The following BRAF variants were observed in gnomAD, a reference collection of about 807,000 sequenced individuals.
BRAF encodes B-Raf proto-oncogene, serine/threonine kinase.
BRAF carries 16 observed loss-of-function variants against 104.6 expected under a neutral mutation model. The observed-to-expected ratio is 0.15, with a 90% confidence interval of 0.10 to 0.23. The LOEUF is 0.23. Among genes scored for constraint, BRAF ranks in the 10% least tolerant of loss-of-function variants. BRAF has a pLI of 1.00. For synonymous variants in BRAF, 310 were observed against 341.6 expected (o/e 0.91, Z 1.02); for missense variants, 541 against 937.3 (o/e 0.58, Z 5.52).
rs1795563036 is a variant in BRAF at position 140,725,711 on chromosome 7, A to AC, written c.*782dup. The stretch of plus-strand genomic sequence containing the variant: ...CTACATTGTGGAGGAAAAAAAAAAA[A>AC]CCCAAACACTTATCTTCATTGCTGG... On this transcript the variant is annotated 3_prime_UTR_variant, in exon 20 of 20. Transcript: ENST00000644969. 1 of 1,058,092 alleles carries AC rather than the reference A, an allele frequency of 9.5e-7. No individual in the cohort carries two copies. The highest frequency in any genetic ancestry group is 5.4e-5 in the Admixed American group (1 of 18,444). 65.5% of individuals were successfully genotyped at this position (1,058,092 alleles called of 1,614,324 possible).
chr7:140,764,128 C>A (rs898499169), intron 14 of BRAF, among the ~76,000 whole-genome samples: 1 of 152,132 alleles, frequency 6.6e-6, no homozygotes, highest in Non-Finnish European at 1.5e-5. Flanking sequence ...CCCTGGGATG[C>A]AAGGCTGGTT....
intron 14 of BRAF, among the ~76,000 whole-genome samples, chr7:140,772,067 A>G (rs1799889624): frequency 6.6e-6 from 1 of 152,150 alleles, no homozygotes; most frequent in African/African-American, 2.4e-5. Context: ...CATCTGTGCC[A>G]TTTGATCCAT....
At chr7:140,728,140 G>C (rs573885128) in intron 19 of BRAF, among the ~76,000 whole-genome samples, 1 of 152,272 alleles carries the variant, frequency 6.6e-6, no homozygotes, top group South Asian at 2.1e-4. Flanking sequence ...GACTGACTGA[G>C]TGCCTGATGC....
In BRAF at chr7:140,785,725, T is replaced by C. The variant is rs1002249540; in HGVS notation, c.1261A>G (p.Ile421Val). Residue 421 changes from isoleucine to valine, a missense_variant, in exon 10 of 20, where the codon ATA (isoleucine) becomes GTA (valine). Ile to Val is a conservative substitution (Grantham distance 29). Around this residue, in one of 10 missense-constraint regions of BRAF, gnomAD observed 109 missense variants for 143.9 expected, o/e 0.76. Transcript: ENST00000644969. Reference protein sequence around the residue: ...SPLLHSVPSEIVFDFEPGPVF... With the variant: ...SPLLHSVPSEVVFDFEPGPVF... ...GGGCCAGGCTCAAAATCAAACACTA[T>C]TTCACTGGGGACAGAATGTAGGAGG... 2.5e-6 allele frequency: 1 copy of C among 398,900 alleles called. No individual in the cohort carries two copies. Among genetic ancestry groups the C allele is most frequent in the African/African-American group, 2.1e-5 (1 of 48,612 alleles). The allele number at this position is 398,900 out of a possible 1,614,324, so 24.7% of individuals were successfully genotyped here. A position where few individuals can be genotyped will look rare whatever the true frequency, so the allele number is the denominator to read the frequency against.
chr7:140,810,224 G>A (rs937633102), intron 3 of BRAF, among the ~76,000 whole-genome samples: 6 of 151,984 alleles, frequency 3.9e-5, no homozygotes, highest in African/African-American at 1.5e-4. Flanking sequence ...AGCCTAATTA[G>A]GATCTATGAC....
chr7:140,731,652 T>C (rs1795973295), intron 19 of BRAF: 2 of 152,174 alleles, frequency 1.3e-5, no homozygotes, highest in Admixed American at 1.3e-4. Flanking sequence ...AGTATCTAAA[T>C]GGCTGGTATA....
chr7:140,748,508 G>A (rs151174933), intron 17 of BRAF, among the ~76,000 whole-genome samples: 9 of 152,148 alleles, frequency 5.9e-5, no homozygotes, highest in East Asian at 3.9e-4. Context: ...GCATAAAGTC[G>A]AAATATTCTT....
In BRAF at chr7:140,818,559, C is replaced by T. The variant is rs991026001; in HGVS notation, c.505-9564G>A. On this transcript the variant is annotated intron_variant, in intron 3 of 19. Transcript: ENST00000644969. ...AACTCCTGACCTCAGGTGATCCGCCCGCCTTGGCCTCCCAAAGTGCTAGGA... is the reference window on the plus strand; with the variant it reads ...AACTCCTGACCTCAGGTGATCCGCCTGCCTTGGCCTCCCAAAGTGCTAGGA... 4.6e-5 allele frequency among the ~76,000 whole-genome samples: 7 copies of T among 152,036 alleles called. No homozygotes were observed. The South Asian group carries it at 6.2e-4, about 14-fold the overall frequency.
rs575148288 is a variant in BRAF, at chr7:140,760,826, G to C, written c.1815-6593C>G. Among the ~76,000 whole-genome samples, 5 of 152,050 alleles carry C rather than the reference G, an allele frequency of 3.3e-5. No homozygotes were observed. In the East Asian group the frequency reaches 7.7e-4, roughly 24 times the overall value. On this transcript the variant is annotated intron_variant, in intron 14 of 19. Coordinates refer to ENST00000644969, the MANE Select transcript of BRAF (RefSeq NM_001374258.1). Reference sequence around the variant, plus strand: ...GAAATGAATGAAATGAAGCGAGAAGGGAAGTTTAGAGAAAAAAGAATAAAA... The same window carrying C: ...GAAATGAATGAAATGAAGCGAGAAGCGAAGTTTAGAGAAAAAAGAATAAAA...
At chr7:140,861,892 A>G (rs1810458333) in intron 1 of BRAF, among the ~76,000 whole-genome samples, 1 of 152,112 alleles carries the variant, frequency 6.6e-6, no homozygotes, top group South Asian at 2.1e-4. Flanking sequence ...GAAGATACTG[A>G]AGGAGGAGGA....
chr7:140,791,592 A>C (rs1395025458), intron 8 of BRAF, among the ~76,000 whole-genome samples: 1 of 147,900 alleles, frequency 6.8e-6, no homozygotes, highest in African/African-American at 2.4e-5. Context: ...TAAATATGCT[A>C]ATTACTCCTA....
chr7:140,861,395 A>G (rs1203933700), intron 1 of BRAF, among the ~76,000 whole-genome samples: 2 of 152,228 alleles, frequency 1.3e-5, no homozygotes, highest in African/African-American at 4.8e-5. Context: ...AAATAGGAAC[A>G]GACAGCTATG....
At chr7:140,761,355 C>A (rs983581825) in intron 14 of BRAF, among the ~76,000 whole-genome samples, 10 of 151,834 alleles carry the variant, frequency 6.6e-5, no homozygotes, top group African/African-American at 2.4e-4. Flanking sequence ...TTTTGCCACC[C>A]CCAGGCCTGC....
chr7:140,822,025 G>A (rs969860349), intron 3 of BRAF, among the ~76,000 whole-genome samples: 13 of 152,214 alleles, frequency 8.5e-5, no homozygotes, highest in South Asian at 8.3e-4. Flanking sequence ...CTACTAGAGC[G>A]GGGAGGGCAA....
chr7:140,806,005 T>C (rs1248030611), intron 5 of BRAF, among the ~76,000 whole-genome samples: 1 of 152,222 alleles, frequency 6.6e-6, no homozygotes, highest in Non-Finnish European at 1.5e-5. Flanking sequence ...AAATCTTTAA[T>C]ATGGCTAACA....
Position 140,719,644 on chromosome 7 carries a change from C to G in BRAF, c.*6850G>C. On this transcript the variant is annotated 3_prime_UTR_variant, in exon 20 of 20. Transcript: ENST00000644969. ...TAAAAAAAATAATAAAAGATTCAAG[C>G]AAACATTGAGAATAGGGGAAAAGAG... The G allele has an allele frequency of 9.4e-7, 1 of 1,062,636 alleles. No homozygotes were observed. Among genetic ancestry groups the G allele is most frequent in the Non-Finnish European group, 1.1e-6 (1 of 877,358 alleles). 65.8% of individuals were successfully genotyped at this position (1,062,636 alleles called of 1,614,324 possible).
At chr7:140,908,462 T>C (rs1417138328) in intron 1 of BRAF, among the ~76,000 whole-genome samples, 1 of 152,120 alleles carries the variant, frequency 6.6e-6, no homozygotes, top group Non-Finnish European at 1.5e-5. Flanking sequence ...TGATTTGCCT[T>C]TCCATCTGCC....
chr7:140,897,128 C>T (rs998808426), intron 1 of BRAF, among the ~76,000 whole-genome samples: 1 of 150,020 alleles, frequency 6.7e-6, no homozygotes, highest in Non-Finnish European at 1.5e-5. Context: ...CTAATGGTCA[C>T]GTGGAAGAGT....
intron 1 of BRAF, among the ~76,000 whole-genome samples, chr7:140,864,300 A>G (rs530650003): frequency 8.0e-4 from 122 of 152,360 alleles, no homozygotes; most frequent in African/African-American, 2.8e-3. Context: ...ACTGGATTAG[A>G]CATGGAGGAA....
Sources: gnomAD v4.1 joint callset for allele counts (sites outside exome capture counted in the v4.1 genomes callset) on GRCh38, gnomAD v4.1.1 for gene constraint, gnomAD v4.1.1 regional missense constraint, MANE v1.5 for transcripts, NCBI Gene and HGNC (gene_info 2026-07-23, HGNC 2026-07-21) for gene names.